GPHN: variants seen among roughly 807,000 people sequenced by gnomAD.
GPHN encodes gephyrin.
Under a neutral mutation model 95.5 loss-of-function variants are expected in GPHN, and 17 were observed. The ratio of observed to expected loss-of-function variants is 0.18; its 90% CI spans 0.12 to 0.27. GPHN has a LOEUF of 0.27. Ranked by LOEUF, GPHN falls within the 10% of genes least tolerant of loss-of-function variation. The pLI, the probability that GPHN is intolerant of heterozygous loss-of-function variation, is 1.00. For synonymous variants in GPHN, 320 were observed against 322.5 expected, an observed-to-expected ratio of 0.99 and a Z score of 0.08; for missense variants, 660 against 978.1, an observed-to-expected ratio of 0.67 and a Z score of 4.34.
At chr14:67,573,846 C>A in the GPHN span, 1 of 1,613,628 alleles carries the variant, frequency 6.2e-7, no homozygotes, top group Non-Finnish European at 8.5e-7. The surrounding 1 kb of genome is among the most constrained non-coding windows in gnomAD (Gnocchi z 4.8). Flanking sequence ...TCTGAACTCC[C>A]GCTGCCAAAT....
chr14:66,865,846 G>C (rs1207161852), intron 4 of GPHN, among the ~76,000 whole-genome samples: 1 of 152,068 alleles, frequency 6.6e-6, no homozygotes, highest in Non-Finnish European at 1.5e-5. Flanking sequence ...AATTTTTGTT[G>C]ATTAATTCTT....
Position 67,113,101 on chromosome 14 carries a change from C to G in GPHN, c.1556C>G (p.Ala519Gly), listed in dbSNP as rs2078470524. The change falls in exon 16 of 23, where the codon GCA becomes GGA. Residue 519 changes from alanine (A) to glycine (G), a missense_variant. By Grantham distance (60) the Ala-to-Gly change is moderately conservative (BLOSUM62 0). Around this residue, in one of 6 missense-constraint regions of GPHN, gnomAD observed 257 missense variants for 376.2 expected, o/e 0.68. Transcript: ENST00000478722. Reference sequence around the variant, plus strand: ...GGCCCCTCAGAGATTGGTCTTCTGGCAACTGTAGGTGTCACAGAGGTTGAA... The same window carrying G: ...GGCCCCTCAGAGATTGGTCTTCTGGGAACTGTAGGTGTCACAGAGGTTGAA... ...HMGPSEIGLLATVGVTEVEVN... is the reference protein window; with the variant it reads ...HMGPSEIGLLGTVGVTEVEVN... 6.2e-7 allele frequency: 1 copy of G among 1,613,480 alleles called. No individual in the cohort carries two copies. Among genetic ancestry groups the G allele is most frequent in the Non-Finnish European group, 8.5e-7 (1 of 1,179,586 alleles).
chr14:67,247,292 T>C, the GPHN span, among the ~76,000 whole-genome samples: 1 of 152,216 alleles, frequency 6.6e-6, no homozygotes, highest in Non-Finnish European at 1.5e-5. Flanking sequence ...TTGTAAATGG[T>C]AATCTAAAAA....
intron 1 of GPHN, 51 bp from the exon 2 acceptor site, chr14:66,681,056 T>C: frequency 9.2e-7 from 1 of 1,084,210 alleles, no homozygotes; most frequent in Non-Finnish European, 1.4e-6. Context: ...ATAGCTTAAA[T>C]GAAATGTAGA....
chr14:67,303,660 T>A, the GPHN span: 6 of 1,141,678 alleles, frequency 5.3e-6, no homozygotes, highest in Non-Finnish European at 8.0e-6. Flanking sequence ...CTTCTGTTAC[T>A]GTTTACTGTT....
intron 2 of GPHN, among the ~76,000 whole-genome samples, chr14:66,755,426 A>G (rs895379044): frequency 6.6e-6 from 1 of 152,124 alleles, no homozygotes; most frequent in Admixed American, 6.5e-5. Context: ...AAAATGAGCA[A>G]GTAACTCATA....
At chr14:66,535,448 C>T (rs145388290) in intron 1 of GPHN, among the ~76,000 whole-genome samples, 2 of 152,000 alleles carry the variant, frequency 1.3e-5, no homozygotes, top group African/African-American at 4.8e-5. Context: ...GGTGGGTATA[C>T]TCTATCCTTT....
chr14:67,596,674 G>C, the GPHN span, among the ~76,000 whole-genome samples: 1 of 152,042 alleles, frequency 6.6e-6, no homozygotes, highest in Non-Finnish European at 1.5e-5. Flanking sequence ...CAAGAATCTT[G>C]CTGAATCAGT....
chr14:66,738,192 C>T (rs917498482), intron 2 of GPHN, among the ~76,000 whole-genome samples: 2 of 152,130 alleles, frequency 1.3e-5, no homozygotes, highest in African/African-American at 2.4e-5. Flanking sequence ...CATTCTTGAA[C>T]GGTTACCCCA....
intron 4 of GPHN, among the ~76,000 whole-genome samples, chr14:66,837,942 G>T (rs571344719): frequency 5.9e-5 from 9 of 152,206 alleles, no homozygotes; most frequent in African/African-American, 1.9e-4. Flanking sequence ...AGATGCAAGT[G>T]ATGGTAAGTT....
At chr14:66,703,589 A>T (rs1200782043) in intron 2 of GPHN, among the ~76,000 whole-genome samples, 1 of 92,232 alleles carries the variant, frequency 1.1e-5, no homozygotes, top group Non-Finnish European at 1.8e-5. Flanking sequence ...GCAAATGCTG[A>T]GGGATTTTGT....
the GPHN span, among the ~76,000 whole-genome samples, chr14:67,354,933 C>T: frequency 6.6e-6 from 1 of 152,168 alleles, no homozygotes; most frequent in Non-Finnish European, 1.5e-5. Context: ...CCTGCCTCAG[C>T]ATCCCGAGTA....
chr14:66,701,481 C>T (rs1566838967), intron 2 of GPHN, among the ~76,000 whole-genome samples: 2 of 152,180 alleles, frequency 1.3e-5, no homozygotes, highest in Non-Finnish European at 2.9e-5. Flanking sequence ...GCTGTCTAAT[C>T]AGAAATGACT....
At chr14:67,684,468 ACC>A in the GPHN span, 3 of 152,202 alleles carry the variant, frequency 2.0e-5, no homozygotes, top group Non-Finnish European at 4.4e-5. Flanking sequence ...ATTTTATCTA[ACC>A]CTGTGTTATA....
chr14:67,302,592 G>T, the GPHN span: 43 of 1,437,392 alleles, frequency 3.0e-5, no homozygotes, highest in African/African-American at 5.7e-4. Flanking sequence ...GCAGCTAGAA[G>T]AATAATTGAT....
chr14:66,663,627 C>A (rs991187110), intron 1 of GPHN, among the ~76,000 whole-genome samples: 3 of 152,158 alleles, frequency 2.0e-5, no homozygotes, highest in Admixed American at 1.3e-4. Flanking sequence ...CAAATCTGCA[C>A]ATAACAATAC....
chr14:67,046,076 AT>A lies in GPHN; in HGVS notation c.1007-12564del, dbSNP rs113141176. On this transcript the variant is annotated intron_variant, in intron 10 of 22. Coordinates refer to ENST00000478722, the MANE Select transcript of GPHN (RefSeq NM_020806.5). ...GCTGTGACCCAGACATTCTATCTCG[AT>A]TTTTTTTTAAAGGAAGAATTTATTT... Among the ~76,000 whole-genome samples the A allele has an allele frequency of 2.5e-3, 376 of 150,712 alleles. 15 individuals are homozygous for A. In the South Asian group the frequency reaches 0.051, roughly 20 times the overall value.
intron 1 of GPHN, among the ~76,000 whole-genome samples, chr14:66,675,635 T>A (rs1273893605): frequency 2.6e-5 from 4 of 152,206 alleles, no homozygotes; most frequent in Non-Finnish European, 5.9e-5. Context: ...TCCGTTTGTC[T>A]ATTTTTGTTT....
At chr14:67,531,726 T>A in the GPHN span, among the ~76,000 whole-genome samples, 1 of 146,158 alleles carries the variant, frequency 6.8e-6, no homozygotes, top group South Asian at 2.2e-4. Flanking sequence ...ACCCCACCTC[T>A]ACTAAAAAAA....
Sources: allele counts gnomAD v4.1 joint callset (sites outside exome capture counted in the v4.1 genomes callset), GRCh38; gene constraint gnomAD v4.1.1; regional missense constraint gnomAD v4.1.1; non-coding constraint Gnocchi (gnomAD v3.1); transcripts MANE v1.5; gene names NCBI Gene and HGNC (gene_info 2026-07-23, HGNC 2026-07-21).